Variants in EIPR1 observed in about 807,000 individuals in gnomAD.
The protein encoded by EIPR1 is EARP and GARP complex-interacting protein 1.
EIPR1 carries 25 observed loss-of-function variants against 48.1 expected under a neutral mutation model. The ratio of observed to expected loss-of-function variants is 0.52; its 90% CI spans 0.38 to 0.73. EIPR1 has a LOEUF of 0.73. Ranked by LOEUF, EIPR1 falls within the 30% of genes least tolerant of loss-of-function variation. The probability of loss-of-function intolerance (pLI) is 0.00; values close to 1 mark genes in which losing one functional copy is unlikely to be tolerated. For synonymous variants in EIPR1, 204 were observed against 201.9 expected, an observed-to-expected ratio of 1.01 and a Z score of -0.09; for missense variants, 415 against 506.2, an observed-to-expected ratio of 0.82 and a Z score of 1.73.
chr2:3,289,487 C>T (rs2103271573), intron 3 of EIPR1, among the ~76,000 whole-genome samples: 1 of 152,270 alleles, frequency 6.6e-6, no homozygotes, highest in East Asian at 1.9e-4. Flanking sequence ...GGGAGCCATG[C>T]CCTGCTCCCC....
intron 3 of EIPR1, among the ~76,000 whole-genome samples, chr2:3,291,732 G>C (rs1668371954): frequency 6.6e-6 from 1 of 152,162 alleles, no homozygotes; most frequent in African/African-American, 2.4e-5. Flanking sequence ...AGACGTGGAA[G>C]TTATTACCTT....
chr2:3,273,614 C>G (rs764064844), intron 3 of EIPR1, among the ~76,000 whole-genome samples: 1 of 152,204 alleles, frequency 6.6e-6, no homozygotes, highest in Non-Finnish European at 1.5e-5. Flanking sequence ...CTGCACTGAT[C>G]CTTACAAAAG....
intron 3 of EIPR1, among the ~76,000 whole-genome samples, chr2:3,306,120 G>C (rs537496144): frequency 6.6e-6 from 1 of 152,206 alleles, no homozygotes; most frequent in Non-Finnish European, 1.5e-5. Flanking sequence ...GGCACCCAGC[G>C]CAGACGCATT....
chr2:3,196,409 G>A (rs1170766486), intron 6 of EIPR1, among the ~76,000 whole-genome samples: 1 of 152,136 alleles, frequency 6.6e-6, no homozygotes, highest in Non-Finnish European at 1.5e-5. Flanking sequence ...TTCCATTAGA[G>A]CTGCTGGCTG....
In EIPR1 at chr2:3,286,310, T is replaced by C. The variant is rs1668184315; in HGVS notation, c.260-28855A>G. Reference sequence around the variant, plus strand: ...TCACCGTGCCTGCCTGTGTATGACGTGTACACACACTGCTCCTGTGTAAAC... The same window carrying C: ...TCACCGTGCCTGCCTGTGTATGACGCGTACACACACTGCTCCTGTGTAAAC... On this transcript the variant is annotated intron_variant, in intron 3 of 8. Transcript: ENST00000382125. The surrounding 1 kb of genome is among the most constrained non-coding windows in gnomAD (Gnocchi z 4.2). Among the ~76,000 whole-genome samples, 3 of 152,318 alleles carry C rather than the reference T, an allele frequency of 2.0e-5. No homozygotes were observed. Among genetic ancestry groups the C allele is most frequent in the East Asian group, 1.9e-4 (1 of 5,176 alleles).
chr2:3,273,883 T>C (rs1025020500), intron 3 of EIPR1, among the ~76,000 whole-genome samples: 2 of 152,144 alleles, frequency 1.3e-5, no homozygotes, highest in African/African-American at 4.8e-5. Flanking sequence ...TTCCAATGAC[T>C]TCAGATACTA....
chr2:3,195,853 C>G (rs532581604), intron 6 of EIPR1, among the ~76,000 whole-genome samples: 3 of 152,226 alleles, frequency 2.0e-5, no homozygotes, highest in Non-Finnish European at 4.4e-5. Context: ...AGACACAACA[C>G]GGGCAAAATG....
intron 3 of EIPR1, among the ~76,000 whole-genome samples, chr2:3,307,478 G>C (rs1668982533): frequency 6.6e-6 from 1 of 152,222 alleles, no homozygotes. Flanking sequence ...CAGGCCTATG[G>C]AGACTGTCTC....
chr2:3,323,416 T>C (rs913629970), intron 3 of EIPR1, among the ~76,000 whole-genome samples: 3 of 152,192 alleles, frequency 2.0e-5, no homozygotes, highest in Non-Finnish European at 4.4e-5. Flanking sequence ...ATGCCCTTCA[T>C]CTGTTCATAT....
chr2:3,304,744 CTCCTGTCCAGTTCAGCCCTCCAG>C (rs1469368776), intron 3 of EIPR1, among the ~76,000 whole-genome samples: 1 of 147,814 alleles, frequency 6.8e-6, no homozygotes. Flanking sequence ...CAGCCCTCCA[CTCCTGTCCAGTTCAGCCCTCCAG>C]TCCCGTCCAG....
intron 2 of EIPR1, among the ~76,000 whole-genome samples, chr2:3,340,155 C>G (rs1464557981): frequency 2.6e-5 from 4 of 152,240 alleles, no homozygotes; most frequent in African/African-American, 9.6e-5. Flanking sequence ...CCAGTATCAG[C>G]TATTTCTTAA....
chr2:3,310,071 C>A (rs1416081892), intron 3 of EIPR1, among the ~76,000 whole-genome samples: 1 of 152,144 alleles, frequency 6.6e-6, no homozygotes, highest in Non-Finnish European at 1.5e-5. Flanking sequence ...GCAAGAACAG[C>A]CCCTGAGGTT....
chr2:3,303,563 G>A (rs1005230152), intron 3 of EIPR1, among the ~76,000 whole-genome samples: 1 of 152,218 alleles, frequency 6.6e-6, no homozygotes, highest in Non-Finnish European at 1.5e-5. Context: ...CAGCAGAGTC[G>A]GGTCACAGCG....
chr2:3,204,508 T>C (rs891225835), intron 5 of EIPR1, among the ~76,000 whole-genome samples: 1 of 152,162 alleles, frequency 6.6e-6, no homozygotes, highest in African/African-American at 2.4e-5. Flanking sequence ...CAGGGTGCAA[T>C]GCATGCAGTA....
At chr2:3,269,686 GCACT>G (rs1558263940) in intron 3 of EIPR1, among the ~76,000 whole-genome samples, 12 of 136,458 alleles carry the variant, frequency 8.8e-5, no homozygotes, top group Non-Finnish European at 1.6e-4. Context: ...CGCAATCATC[GCACT>G]CAATCATCAC....
intron 3 of EIPR1, among the ~76,000 whole-genome samples, chr2:3,273,469 A>G (rs1164867894): frequency 2.0e-5 from 3 of 152,230 alleles, no homozygotes; most frequent in Non-Finnish European, 4.4e-5. Flanking sequence ...ACCTCATTAC[A>G]CGAATGAGCT....
At chr2:3,313,951 C>T (rs1025048315) in intron 3 of EIPR1, among the ~76,000 whole-genome samples, 18 of 152,144 alleles carry the variant, frequency 1.2e-4, no homozygotes, top group South Asian at 4.1e-4. Context: ...GGGCTGTCCC[C>T]GAGCTGCGGG....
Position 3,189,450 on chromosome 2 carries a change from C to T in EIPR1, c.1048G>A (p.Val350Ile), listed in dbSNP as rs775391718. The change falls in exon 9 of 9, where the codon GTC (valine) becomes ATC (isoleucine). Residue 350 changes from valine (V) to isoleucine (I), a missense_variant. Transcript: ENST00000382125. This position sits in a 1 kb window ranked among gnomAD's most constrained non-coding sequence, Gnocchi z 4.6. ...GCCGAGGACCAGTCCACGGCATAGA[C>T]GCTGTCCTCGTGCTCCTCGTAGGTG... ...IATYEEHEDS[V>I]YAVDWSSADP... 2.8e-5 allele frequency: 45 copies of T among 1,583,804 alleles called. No homozygotes were observed. In the Admixed American group the frequency reaches 5.8e-4, roughly 20 times the overall value.
At chr2:3,257,170 G>T in intron 4 of EIPR1, 129 bp downstream of exon 4, 2 of 1,088,810 alleles carry the variant, frequency 1.8e-6, no homozygotes, top group Non-Finnish European at 2.5e-6. Context: ...TCAAATTCTC[G>T]CAGCTTTTTA....
Sources: allele counts gnomAD v4.1 joint callset (sites outside exome capture counted in the v4.1 genomes callset), GRCh38; gene constraint gnomAD v4.1.1; non-coding constraint Gnocchi (gnomAD v3.1); transcripts MANE v1.5; gene names NCBI Gene and HGNC (gene_info 2026-07-23, HGNC 2026-07-21).